The following B3GALT1 variants were observed in gnomAD, a reference collection of about 807,000 sequenced individuals.
B3GALT1 encodes beta-1,3-galactosyltransferase 1.
B3GALT1 carries 10 observed loss-of-function variants against 23.2 expected under a neutral mutation model. That is an observed-to-expected ratio of 0.43 (90% CI 0.27 to 0.73). B3GALT1 has a LOEUF of 0.73. Among genes scored for constraint, B3GALT1 ranks in the 30% least tolerant of loss-of-function variants. B3GALT1 has a pLI of 0.21. For synonymous variants in B3GALT1, 156 were observed against 141.5 expected, an observed-to-expected ratio of 1.10 and a Z score of -0.73; for missense variants, 299 against 405.4, an observed-to-expected ratio of 0.74 and a Z score of 2.25.
intron 1 of B3GALT1, among the ~76,000 whole-genome samples, chr2:167,486,347 G>T (rs1251905368): frequency 7.3e-6 from 1 of 136,276 alleles, no homozygotes; most frequent in South Asian, 2.6e-4. Context: ...GACAGAGTGA[G>T]ACTCTGTCTC....
At position 167,676,556 on chromosome 2, in the gene B3GALT1, T is replaced by C. The variant is rs78961401; in HGVS notation, c.-352+29590T>C. ...ACACACACACACACACACACACACATATATATGTGTATGCATTTCTTTTGA... is the reference window on the plus strand; with the variant it reads ...ACACACACACACACACACACACACACATATATGTGTATGCATTTCTTTTGA... On this transcript the variant is annotated intron_variant, in intron 3 of 4. Transcript: ENST00000392690. Among the ~76,000 whole-genome samples, 52 of 118,854 alleles carry C rather than the reference T, an allele frequency of 4.4e-4. 1 individual carries two copies. The highest frequency in any genetic ancestry group is 2.0e-3 in the South Asian group (8 of 3,912). The allele number at this position is 118,854 out of a possible 152,430, so 78.0% of individuals were successfully genotyped here.
intron 2 of B3GALT1, among the ~76,000 whole-genome samples, chr2:167,642,498 T>G (rs1340960755): frequency 6.6e-6 from 1 of 152,170 alleles, no homozygotes; most frequent in African/African-American, 2.4e-5. Context: ...CATCTCAAAC[T>G]TGTCCTCTTG....
intron 4 of B3GALT1, among the ~76,000 whole-genome samples, chr2:167,844,057 G>A (rs1231359892): frequency 6.6e-6 from 1 of 152,196 alleles, no homozygotes; most frequent in African/African-American, 2.4e-5. Flanking sequence ...TCTAATAACA[G>A]TGGAGAGATG....
chr2:167,545,416 A>G (rs16841779), intron 2 of B3GALT1, among the ~76,000 whole-genome samples: 6,693 of 152,004 alleles, frequency 0.044, 287 homozygotes, highest in African/African-American at 0.12. Context: ...CTTATTTTCT[A>G]TCCTCTTGTG....
intron 3 of B3GALT1, among the ~76,000 whole-genome samples, chr2:167,775,560 C>T (rs527854206): frequency 1.1e-4 from 13 of 116,522 alleles, no homozygotes; most frequent in South Asian, 2.9e-4. Flanking sequence ...CAGAGTGAGA[C>T]GCTGTCTCAA....
At chr2:167,567,755 T>C (rs1684200337) in intron 2 of B3GALT1, among the ~76,000 whole-genome samples, 1 of 152,044 alleles carries the variant, frequency 6.6e-6, no homozygotes, top group South Asian at 2.1e-4. Flanking sequence ...CCGAAGTCCA[T>C]AGTTTACATT....
intron 1 of B3GALT1, among the ~76,000 whole-genome samples, chr2:167,426,091 T>C (rs1350728623): frequency 1.3e-5 from 2 of 152,044 alleles, no homozygotes; most frequent in African/African-American, 2.4e-5. Context: ...CTTAAACCAA[T>C]AGAATAGGAG....
intron 4 of B3GALT1, among the ~76,000 whole-genome samples, chr2:167,841,898 G>A (rs1689659881): frequency 6.6e-6 from 1 of 152,126 alleles, no homozygotes; most frequent in Non-Finnish European, 1.5e-5. Flanking sequence ...ATACAATAAT[G>A]TGCTTCCTTT....
chr2:167,434,710 A>ACCC (rs397950419), intron 1 of B3GALT1, among the ~76,000 whole-genome samples: 20 of 124,564 alleles, frequency 1.6e-4, no homozygotes, highest in East Asian at 7.7e-4. Context: ...TCTATGAATG[A>ACCC]CCCCCCCCCC....
rs150964404 is a variant in B3GALT1, at chr2:167,802,367, C to A, written c.-351-16305C>A. Among the ~76,000 whole-genome samples, 323 of 152,178 alleles carry A rather than the reference C, an allele frequency of 2.1e-3. 4 individuals are homozygous for A. The highest frequency in any genetic ancestry group is 7.3e-3 in the African/African-American group (304 of 41,518). The stretch of plus-strand genomic sequence containing the variant: ...GCCCTGGAGCCAGCACCTCACTGGC[C>A]CCCAAATAGGCTATTGATCTCATTT... On this transcript the variant is annotated intron_variant, in intron 3 of 4. Transcript: ENST00000392690.
chr2:167,401,305 G>T (rs897852171), intron 1 of B3GALT1, among the ~76,000 whole-genome samples: 1 of 152,102 alleles, frequency 6.6e-6, no homozygotes, highest in African/African-American at 2.4e-5. Flanking sequence ...CTCAATTGGA[G>T]TTTGAAGAAA....
At chr2:167,760,107 A>G (rs1687878066) in intron 3 of B3GALT1, among the ~76,000 whole-genome samples, 1 of 152,234 alleles carries the variant, frequency 6.6e-6, no homozygotes, top group Non-Finnish European at 1.5e-5. Context: ...GAAGAACTTG[A>G]GAGTTCAGTT....
rs374700814 is a variant in B3GALT1 at position 167,636,010 on chromosome 2, A to G, written c.-409-10899A>G. Among the ~76,000 whole-genome samples, 3 of 152,144 alleles carry G rather than the reference A, an allele frequency of 2.0e-5. No individual in the cohort carries two copies. In the East Asian group the frequency reaches 5.8e-4, roughly 29 times the overall value. On this transcript the variant is annotated intron_variant, in intron 2 of 4. Transcript: ENST00000392690. ...CAAAACAGATGTAGACCAATGGAAC[A>G]GAACAGAGGCTTCAGAAATAATGCC...
intron 3 of B3GALT1, among the ~76,000 whole-genome samples, chr2:167,686,522 G>A (rs1383425849): frequency 6.6e-6 from 1 of 152,144 alleles, no homozygotes. Context: ...AAGTTCTCAA[G>A]TTCAAACCAA....
At chr2:167,729,926 C>T (rs1451556446) in intron 3 of B3GALT1, among the ~76,000 whole-genome samples, 1 of 151,952 alleles carries the variant, frequency 6.6e-6, no homozygotes, top group Non-Finnish European at 1.5e-5. Context: ...CAATTAGACC[C>T]ATTTCTCCTT....
At chr2:167,531,516 A>G (rs1379856080) in intron 2 of B3GALT1, among the ~76,000 whole-genome samples, 2 of 152,178 alleles carry the variant, frequency 1.3e-5, no homozygotes, top group Non-Finnish European at 2.9e-5. Context: ...TATTTCCAAG[A>G]TAGGAAAGTC....
chr2:167,844,685 CAGAA>C (rs1297957937), intron 4 of B3GALT1, among the ~76,000 whole-genome samples: 1 of 152,196 alleles, frequency 6.6e-6, no homozygotes, highest in African/African-American at 2.4e-5. Flanking sequence ...TAAAACTCCA[CAGAA>C]AGAAAGAAAT....
chr2:167,527,787 G>A (rs1174405956), intron 2 of B3GALT1, among the ~76,000 whole-genome samples: 1 of 152,076 alleles, frequency 6.6e-6, no homozygotes, highest in Non-Finnish European at 1.5e-5. Context: ...GTATTATATG[G>A]TCAAGTGGTT....
Position 167,340,335 on chromosome 2 carries a change from A to AAAAAAAAAAC in B3GALT1, c.-511+47001_-511+47002insAAAAAAAAAC, listed in dbSNP as rs1553513212. Among the ~76,000 whole-genome samples the AAAAAAAAAAC allele has an allele frequency of 2.1e-5, 3 of 140,640 alleles. 1 individual carries two copies. Among genetic ancestry groups the AAAAAAAAAAC allele is most frequent in the Admixed American group, 1.4e-4 (2 of 14,254 alleles). 92.3% of individuals were successfully genotyped at this position (140,640 alleles called of 152,430 possible). A position where few individuals can be genotyped will look rare whatever the true frequency, so the allele number is the denominator to read the frequency against. ...GGAGAAAAAAAAAAAAAAAAAAAAAACAGAGCTTTTGGCAATGGAACAAGG... is the reference window on the plus strand; with the variant it reads ...GGAGAAAAAAAAAAAAAAAAAAAAAAAAAAAAAAACCAGAGCTTTTGGCAATGGAACAAGG... On this transcript the variant is annotated intron_variant, in intron 1 of 4. Coordinates refer to ENST00000392690, the MANE Select transcript of B3GALT1 (RefSeq NM_020981.4).
Sources: gnomAD v4.1 joint callset for allele counts (sites outside exome capture counted in the v4.1 genomes callset) on GRCh38, gnomAD v4.1.1 for gene constraint, MANE v1.5 for transcripts, NCBI Gene and HGNC (gene_info 2026-07-23, HGNC 2026-07-21) for gene names.